Variants in FOXP1 observed in about 807,000 individuals in gnomAD.
FOXP1 encodes forkhead box protein P1.
Under a neutral mutation model 98.2 loss-of-function variants are expected in FOXP1, and 15 were observed. The observed-to-expected ratio is 0.15, with a 90% confidence interval of 0.10 to 0.24. The LOEUF (loss-of-function observed/expected upper bound fraction) is 0.24. FOXP1 is among the 10% of genes least tolerant of loss of function. The pLI, the probability that FOXP1 is intolerant of heterozygous loss-of-function variation, is 1.00. For synonymous variants in FOXP1, 371 were observed against 314.5 expected, an observed-to-expected ratio of 1.18 and a Z score of -1.90; for missense variants, 633 against 848.5, an observed-to-expected ratio of 0.75 and a Z score of 3.15.
intron 7 of FOXP1, among the ~76,000 whole-genome samples, chr3:71,069,526 G>T (rs1053977131): frequency 2.6e-5 from 4 of 152,110 alleles, no homozygotes; most frequent in Admixed American, 2.0e-4. Flanking sequence ...TCTGCCATGG[G>T]GTTAGAACAG....
intron 2 of FOXP1, among the ~76,000 whole-genome samples, chr3:71,576,039 T>A (rs1393486435): frequency 6.6e-6 from 1 of 152,228 alleles, no homozygotes; most frequent in Non-Finnish European, 1.5e-5. Context: ...AGAGAAAATG[T>A]TTGTCCTAAG....
At chr3:71,265,634 C>T (rs1002689248) in intron 5 of FOXP1, among the ~76,000 whole-genome samples, 4 of 152,164 alleles carry the variant, frequency 2.6e-5, no homozygotes, top group Admixed American at 1.3e-4. Flanking sequence ...ACATGCAACA[C>T]GGCGGAAAAT....
intron 7 of FOXP1, among the ~76,000 whole-genome samples, chr3:71,082,694 AC>A (rs1306750607): frequency 2.0e-5 from 3 of 152,142 alleles, no homozygotes; most frequent in African/African-American, 7.2e-5. Context: ...TATTATATAA[AC>A]TTTTTACAGT....
At chr3:71,036,989 C>A (rs2047680774) in intron 11 of FOXP1, among the ~76,000 whole-genome samples, 2 of 152,154 alleles carry the variant, frequency 1.3e-5, no homozygotes, top group Non-Finnish European at 2.9e-5. Context: ...CAGACTAAAA[C>A]ACAGATCTGA....
At chr3:70,983,192 C>T (rs940558889) in intron 14 of FOXP1, among the ~76,000 whole-genome samples, 5 of 151,460 alleles carry the variant, frequency 3.3e-5, no homozygotes, top group African/African-American at 9.7e-5. Context: ...TTTAGAGAAG[C>T]GAACTCGTGG....
intron 20 of FOXP1, among the ~76,000 whole-genome samples, chr3:70,963,090 C>A (rs1444531839): frequency 6.6e-6 from 1 of 152,140 alleles, no homozygotes; most frequent in Non-Finnish European, 1.5e-5. Flanking sequence ...AAACAAAACA[C>A]GTTTTCCCCC....
At chr3:71,336,154 A>G (rs2076665713) in intron 4 of FOXP1, among the ~76,000 whole-genome samples, 2 of 152,110 alleles carry the variant, frequency 1.3e-5, no homozygotes, top group Admixed American at 1.3e-4. Context: ...AGTTACACTC[A>G]TGAAAGACAG....
intron 19 of FOXP1, chr3:70,969,183 T>C (rs1238990620): frequency 1.3e-5 from 2 of 151,852 alleles, no homozygotes; most frequent in Non-Finnish European, 2.9e-5. Flanking sequence ...CTTAATACTA[T>C]TCCATATTCC....
intron 6 of FOXP1, among the ~76,000 whole-genome samples, chr3:71,133,647 G>A (rs1398593938): frequency 6.6e-6 from 1 of 151,778 alleles, no homozygotes; most frequent in African/African-American, 2.4e-5. Flanking sequence ...ACAGCTAATA[G>A]GTGACCTCTT....
At chr3:71,093,288 T>G (rs199621735) in intron 7 of FOXP1, among the ~76,000 whole-genome samples, 1 of 145,608 alleles carries the variant, frequency 6.9e-6, no homozygotes, top group East Asian at 2.1e-4. Context: ...AAAAAAAAAT[T>G]AAAAAAAGCA....
intron 6 of FOXP1, among the ~76,000 whole-genome samples, chr3:71,181,441 A>G (rs1272032613): frequency 6.6e-6 from 1 of 152,240 alleles, no homozygotes; most frequent in African/African-American, 2.4e-5. Flanking sequence ...CCTGTTTTAC[A>G]GATGAGAAAA....
intron 3 of FOXP1, among the ~76,000 whole-genome samples, chr3:71,477,390 T>G (rs1577726568): frequency 6.6e-6 from 1 of 152,220 alleles, no homozygotes; most frequent in Non-Finnish European, 1.5e-5. Context: ...AATTGAAGCA[T>G]CATAAAATGA....
intron 7 of FOXP1, among the ~76,000 whole-genome samples, chr3:71,112,225 T>G (rs2058000710): frequency 6.6e-6 from 1 of 152,170 alleles, no homozygotes; most frequent in Admixed American, 6.5e-5. Context: ...CATAAGAGAA[T>G]GTGGTGACAA....
intron 2 of FOXP1, among the ~76,000 whole-genome samples, chr3:71,544,529 T>A (rs1204473336): frequency 2.0e-5 from 3 of 152,148 alleles, no homozygotes; most frequent in African/African-American, 7.2e-5. Context: ...GTGACACCAA[T>A]GGCAAAAACA....
intron 3 of FOXP1, among the ~76,000 whole-genome samples, chr3:71,456,644 G>A (rs1458940499): frequency 6.6e-6 from 1 of 152,110 alleles, no homozygotes; most frequent in Non-Finnish European, 1.5e-5. Context: ...GGAAGAGGAG[G>A]ATAAGAGCAG....
intron 2 of FOXP1, among the ~76,000 whole-genome samples, chr3:71,555,547 A>C (rs999555402): frequency 1.3e-5 from 2 of 152,232 alleles, no homozygotes; most frequent in African/African-American, 4.8e-5. Flanking sequence ...ATAAATAGTC[A>C]CTTCTTTATA....
chr3:70,967,684 T>C (rs1484346337), intron 19 of FOXP1, among the ~76,000 whole-genome samples: 1 of 127,520 alleles, frequency 7.8e-6, no homozygotes, highest in Non-Finnish European at 1.6e-5. Context: ...ACTACTATTA[T>C]TTGTTTTTTT....
chr3:71,333,754 G>T (rs920531793), intron 4 of FOXP1: 2 of 152,054 alleles, frequency 1.3e-5, no homozygotes, highest in Non-Finnish European at 2.9e-5. Context: ...GAGCCTGGGG[G>T]CACAGGTTGC....
At position 71,302,513 on chromosome 3, in the gene FOXP1, TAAA is replaced by T. The variant is rs34872613; in HGVS notation, c.-72-2636_-72-2634del. Among the ~76,000 whole-genome samples the T allele has an allele frequency of 2.0e-3, 268 of 131,770 alleles. 1 individual carries two copies. The highest frequency in any genetic ancestry group is 6.9e-3 in the African/African-American group (246 of 35,478). The allele number at this position is 131,770 out of a possible 152,430, so 86.4% of individuals were successfully genotyped here. ...TAAATGATTATGCAAAGCTTTTATG[TAAA>T]AAAAAAAAAAAAAAAGATAAAGATA... On this transcript the variant is annotated intron_variant, in intron 4 of 20. Transcript: ENST00000649528.
Sources: allele counts gnomAD v4.1 joint callset (sites outside exome capture counted in the v4.1 genomes callset), GRCh38; gene constraint gnomAD v4.1.1; transcripts MANE v1.5; gene names NCBI Gene and HGNC (gene_info 2026-07-23, HGNC 2026-07-21).